The following PTPRD variants were observed in gnomAD, a reference collection of about 807,000 sequenced individuals.
PTPRD encodes protein tyrosine phosphatase receptor type D.
PTPRD carries 34 observed loss-of-function variants against 214.5 expected under a neutral mutation model. That is an observed-to-expected ratio of 0.16 (90% confidence interval 0.12 to 0.21). The LOEUF is 0.21. PTPRD is among the 10% of genes least tolerant of loss of function. The probability of loss-of-function intolerance (pLI) is 1.00; values close to 1 mark genes in which losing one functional copy is unlikely to be tolerated. For synonymous variants in PTPRD, 1,128 were observed against 845.7 expected, an observed-to-expected ratio of 1.33 and a Z score of -5.79; for missense variants, 2,545 against 2,398.7, an observed-to-expected ratio of 1.06 and a Z score of -1.27.
chr9:9,436,440 C>T lies in PTPRD; in HGVS notation c.-236-38958G>A, dbSNP rs142323409. ...CTTTAATAAGGATTTATAGTTAACA[C>T]TGACTGATTAGATACCTACATACTG... On this transcript the variant is annotated intron_variant, in intron 8 of 45. Transcript: ENST00000381196. Among the ~76,000 whole-genome samples the T allele has an allele frequency of 4.7e-3, 711 of 152,196 alleles. 4 individuals carry two copies. The highest frequency in any genetic ancestry group is 0.016 in the African/African-American group (679 of 41,522).
chr9:8,795,458 AC>A (rs1237312732), intron 11 of PTPRD, among the ~76,000 whole-genome samples: 1 of 152,110 alleles, frequency 6.6e-6, no homozygotes, highest in African/African-American at 2.4e-5. Flanking sequence ...GTGAGCCACC[AC>A]ACCCAGCCAA....
At chr9:9,833,958 C>G (rs1402837477) in intron 5 of PTPRD, among the ~76,000 whole-genome samples, 1 of 151,946 alleles carries the variant, frequency 6.6e-6, no homozygotes, top group African/African-American at 2.4e-5. Flanking sequence ...GCAATTATTA[C>G]AGGGTCCTGG....
At chr9:9,881,337 G>A (rs1024718905) in intron 5 of PTPRD, among the ~76,000 whole-genome samples, 3 of 152,166 alleles carry the variant, frequency 2.0e-5, no homozygotes, top group Admixed American at 1.3e-4. Context: ...CACCATTGAT[G>A]TTTCTATGAT....
chr9:8,767,344 T>C (rs1291015203), intron 11 of PTPRD, among the ~76,000 whole-genome samples: 1 of 152,130 alleles, frequency 6.6e-6, no homozygotes, highest in Non-Finnish European at 1.5e-5. Flanking sequence ...CTCGAACTCC[T>C]GACCTCAAGT....
In PTPRD at chr9:10,225,414, T is replaced by G. The variant is rs185471008; in HGVS notation, c.-545+115549A>C. Among the ~76,000 whole-genome samples the G allele has an allele frequency of 2.5e-4, 38 of 152,164 alleles. No individual in the cohort carries two copies. The East Asian group carries it at 5.2e-3, about 21-fold the overall frequency. On this transcript the variant is annotated intron_variant, in intron 3 of 45. Transcript: ENST00000381196. Reference sequence around the variant, plus strand: ...AGAGCTGATATTAACAGTCCGCTTATTTTACTTTCAGAGACATTAAACTAA... The same window carrying G: ...AGAGCTGATATTAACAGTCCGCTTAGTTTACTTTCAGAGACATTAAACTAA...
intron 34 of PTPRD, chr9:8,437,365 A>C (rs1355700788): frequency 1.4e-6 from 1 of 718,684 alleles, no homozygotes; most frequent in African/African-American, 1.8e-5. Context: ...TACAGAATTC[A>C]CTATACATTG....
intron 11 of PTPRD, among the ~76,000 whole-genome samples, chr9:8,923,323 T>A (rs1397593087): frequency 6.6e-6 from 1 of 152,060 alleles, no homozygotes; most frequent in African/African-American, 2.4e-5. Flanking sequence ...ATTACAGGCA[T>A]GAGCCACCGC....
At chr9:9,586,120 T>C (rs577163058) in intron 7 of PTPRD, among the ~76,000 whole-genome samples, 1 of 151,948 alleles carries the variant, frequency 6.6e-6, no homozygotes, top group African/African-American at 2.4e-5. Flanking sequence ...GTGGAGGTGG[T>C]AGGTCAGAGT....
At chr9:9,490,635 G>A (rs1363758559) in intron 8 of PTPRD, among the ~76,000 whole-genome samples, 2 of 151,964 alleles carry the variant, frequency 1.3e-5, no homozygotes, top group Non-Finnish European at 2.9e-5. Context: ...TCTATGTCAT[G>A]AAGTTAAGCT....
chr9:9,928,633 TTAAC>T (rs2085195642), intron 5 of PTPRD, among the ~76,000 whole-genome samples: 1 of 152,056 alleles, frequency 6.6e-6, no homozygotes, highest in Non-Finnish European at 1.5e-5. Flanking sequence ...TATTAGAATA[TTAAC>T]TAATCTGAAT....
Position 10,128,985 on chromosome 9 carries a change from AT to A in PTPRD, c.-544-95196del, listed in dbSNP as rs569922041. 1.8e-3 allele frequency among the ~76,000 whole-genome samples: 280 copies of A among 152,284 alleles called. 1 individual carries two copies. The highest frequency in any genetic ancestry group is 6.4e-3 in the African/African-American group (267 of 41,556). On this transcript the variant is annotated intron_variant, in intron 3 of 45. Coordinates refer to ENST00000381196, the MANE Select transcript of PTPRD (RefSeq NM_002839.4). ...AAATAACTGTAGTAAATTAGAATGT[AT>A]ATATTGGCTTTGGGAATACACAAAG...
chr9:10,146,150 CATAT>C (rs56191246), intron 3 of PTPRD, among the ~76,000 whole-genome samples: 27 of 147,322 alleles, frequency 1.8e-4, no homozygotes, highest in East Asian at 1.6e-3. Context: ...TGAAATCATC[CATAT>C]ATATATATAT....
chr9:9,433,479 T>A (rs528590833), intron 8 of PTPRD, among the ~76,000 whole-genome samples: 2 of 152,336 alleles, frequency 1.3e-5, no homozygotes, highest in East Asian at 3.9e-4. Context: ...AGGATTCTTC[T>A]CTTTTTATTT....
intron 8 of PTPRD, among the ~76,000 whole-genome samples, chr9:9,517,395 T>C (rs1025474729): frequency 1.3e-5 from 2 of 152,214 alleles, no homozygotes; most frequent in South Asian, 4.1e-4. Context: ...GTGACATAGA[T>C]ATACTAAGCA....
chr9:9,035,152 C>T (rs1569481073), intron 10 of PTPRD, among the ~76,000 whole-genome samples: 1 of 152,088 alleles, frequency 6.6e-6, no homozygotes, highest in Non-Finnish European at 1.5e-5. Flanking sequence ...GTGTGGTCCT[C>T]TGCTCAGTGA....
intron 2 of PTPRD, among the ~76,000 whole-genome samples, chr9:10,436,435 G>T (rs1476533495): frequency 1.3e-5 from 2 of 151,698 alleles, no homozygotes; most frequent in African/African-American, 4.8e-5. Context: ...AAGACAGTAT[G>T]ATAAGGTGAC....
intron 35 of PTPRD, among the ~76,000 whole-genome samples, chr9:8,434,966 G>C (rs904776042): frequency 6.6e-6 from 1 of 152,112 alleles, no homozygotes; most frequent in South Asian, 2.1e-4. Flanking sequence ...CGTGCAATCC[G>C]GTGTGAATTT....
At chr9:8,337,684 TCCGG>T (rs1848338559) in intron 43 of PTPRD, among the ~76,000 whole-genome samples, 2 of 152,018 alleles carry the variant, frequency 1.3e-5, no homozygotes, top group East Asian at 1.9e-4. Flanking sequence ...GTGAGCAACT[TCCGG>T]TTTCAATCTT....
At chr9:8,392,613 C>G (rs1388497109) in intron 36 of PTPRD, among the ~76,000 whole-genome samples, 1 of 152,092 alleles carries the variant, frequency 6.6e-6, no homozygotes, top group African/African-American at 2.4e-5. Context: ...TAAGCCAATG[C>G]TTTATGTCCT....
Sources: gnomAD v4.1 joint callset for allele counts (sites outside exome capture counted in the v4.1 genomes callset) on GRCh38, gnomAD v4.1.1 for gene constraint, MANE v1.5 for transcripts, NCBI Gene and HGNC (gene_info 2026-07-23, HGNC 2026-07-21) for gene names.